Variants in POLDIP2 observed in about 807,000 individuals in gnomAD.
The protein encoded by POLDIP2 is polymerase delta-interacting protein 2.
A neutral mutation model predicts 52.9 loss-of-function variants in POLDIP2; 32 were observed. That is an observed-to-expected ratio of 0.61 (90% CI 0.46 to 0.81). The LOEUF is 0.81. Ranked by LOEUF, POLDIP2 falls within the 40% of genes least tolerant of loss-of-function variation. The pLI is 0.00. For synonymous variants in POLDIP2, 183 were observed against 183.0 expected, an observed-to-expected ratio of 1.00 and a Z score of 0.00; for missense variants, 371 against 477.3, an observed-to-expected ratio of 0.78 and a Z score of 2.07.
chr17:28,351,944 G>A, intron 6 of POLDIP2, 144 bp from the exon 7 acceptor site: 1 of 691,958 alleles, frequency 1.4e-6, no homozygotes, highest in East Asian at 2.7e-5. Flanking sequence ...GCTCATACAT[G>A]AAGCAAAAGT....
intron 3 of POLDIP2, among the ~76,000 whole-genome samples, chr17:28,354,247 C>T (rs978385840): frequency 1.3e-5 from 2 of 152,152 alleles, no homozygotes; most frequent in South Asian, 4.1e-4. Context: ...CTCTGGGATA[C>T]TCATAATGAA....
At chr17:28,357,153 C>T in intron 1 of POLDIP2, 135 bp downstream of exon 1, 1 of 865,840 alleles carries the variant, frequency 1.2e-6, no homozygotes, top group Non-Finnish European at 1.7e-6. Flanking sequence ...AGGTCGGCTC[C>T]CTGCTCGGGA....
rs1907617791 is a variant in POLDIP2, at chr17:28,347,381, CT to C, written c.*735del. ...CTAAAGCTGCTCCTCAGCCAAATTC[CT>C]GCATTTGTGGTCTGGATGCTTGGCA... On this transcript the variant is annotated 3_prime_UTR_variant, in exon 11 of 11. Transcript: ENST00000540200. 1 of 152,214 alleles carries C rather than the reference CT, an allele frequency of 6.6e-6. No individual in the cohort carries two copies. The highest frequency in any genetic ancestry group is 1.5e-5 in the Non-Finnish European group (1 of 68,058). 9.4% of individuals were successfully genotyped at this position (152,214 alleles called of 1,614,324 possible). A position where few individuals can be genotyped will look rare whatever the true frequency, so the allele number is the denominator to read the frequency against.
At chr17:28,356,018 G>A (rs542407403) in intron 1 of POLDIP2, 142 bp from the exon 2 acceptor site, 2 of 642,676 alleles carry the variant, frequency 3.1e-6, no homozygotes, top group South Asian at 1.7e-5. Context: ...AGCTGGAGCA[G>A]GAAAGGCTTT....
intron 8 of POLDIP2, 84 bp downstream of exon 8, chr17:28,350,682 C>A: frequency 1.3e-6 from 2 of 1,554,256 alleles, no homozygotes; most frequent in African/African-American, 1.4e-5. Flanking sequence ...GTTCCGCTCT[C>A]GTCAGAAGGT....
chr17:28,353,031 A>T lies in POLDIP2; in HGVS notation c.515-12T>A. 1.1e-6 allele frequency: 1 copy of T among 912,034 alleles called. No individual in the cohort carries two copies. The highest frequency in any genetic ancestry group is 1.9e-6 in the Non-Finnish European group (1 of 539,074). The allele number at this position is 912,034 out of a possible 1,614,324, so 56.5% of individuals were successfully genotyped here. A position where few individuals can be genotyped will look rare whatever the true frequency, so the allele number is the denominator to read the frequency against. On this transcript the variant is annotated splice_polypyrimidine_tract_variant and intron_variant, in intron 5 of 10. Coordinates refer to ENST00000540200, the MANE Select transcript of POLDIP2 (RefSeq NM_015584.5). ...GACATAGTCCAAGCCTGGCACAGAGATGCAAAAGACAGTGGTGAAACTCAC... is the reference window on the plus strand; with the variant it reads ...GACATAGTCCAAGCCTGGCACAGAGTTGCAAAAGACAGTGGTGAAACTCAC...
intron 9 of POLDIP2, among the ~76,000 whole-genome samples, chr17:28,350,179 G>A (rs1293980869): frequency 6.6e-6 from 1 of 152,180 alleles, no homozygotes; most frequent in Non-Finnish European, 1.5e-5. Context: ...AGACTCACTT[G>A]GGTTTAAATT....
At chr17:28,351,327 T>A (rs1051506692) in intron 7 of POLDIP2, among the ~76,000 whole-genome samples, 2 of 152,252 alleles carry the variant, frequency 1.3e-5, no homozygotes, top group African/African-American at 4.8e-5. Context: ...AGCCAGGCGA[T>A]GTGTAAGTGT....
chr17:28,350,031 G>A (rs1352474406), intron 9 of POLDIP2, among the ~76,000 whole-genome samples: 1 of 152,176 alleles, frequency 6.6e-6, no homozygotes, highest in African/African-American at 2.4e-5. Context: ...AGGACCAGCA[G>A]AGGATGTAAA....
chr17:28,352,979 G>C lies in POLDIP2; in HGVS notation c.555C>G (p.Thr185=). The C allele has an allele frequency of 7.0e-7, 1 of 1,420,224 alleles. No homozygotes were observed. The highest frequency in any genetic ancestry group is 1.0e-6 in the Non-Finnish European group (1 of 1,003,102). The allele number at this position is 1,420,224 out of a possible 1,614,324, so 88.0% of individuals were successfully genotyped here. The part of the protein sequence containing the change: ...YVSHEDILPY[T]STDQVPIQHE... ...GTTGGATGGGAACCTGATCAGTGGA[G>C]GTGTAGGGGAGGATGTCTTCATGGC... The change falls in exon 6 of 11, where the codon ACC becomes ACG. Residue 185 remains threonine (T), a synonymous_variant. Transcript: ENST00000540200.
At chr17:28,357,246 C>G (rs752885765) in intron 1 of POLDIP2, 42 bp downstream of exon 1, 5 of 1,394,334 alleles carry the variant, frequency 3.6e-6, no homozygotes, top group Non-Finnish European at 4.6e-6. Flanking sequence ...GCTCTCTGGG[C>G]TCCAGGCCCA....
chr17:28,352,861 C>A, intron 6 of POLDIP2, 51 bp downstream of exon 6: 1 of 1,126,344 alleles, frequency 8.9e-7, no homozygotes, highest in Non-Finnish European at 1.3e-6. Context: ...CTATGATATT[C>A]TTTGATGAAA....
rs782206963 is a variant in POLDIP2, at chr17:28,354,577, A to C, written c.252T>G (p.Leu84=). Residue 84 remains leucine, a synonymous_variant, in exon 3 of 11, where the codon CTT becomes CTG. Coordinates refer to ENST00000540200, the MANE Select transcript of POLDIP2 (RefSeq NM_015584.5). ...CACCTCGGTAGCCAAAAATGCTATG[A>C]AGGAAAAGCTGGAAGGAAAGAGGGG... ...NGKYETGQLF[L]HSIFGYRGVV... 9.6e-6 allele frequency: 15 copies of C among 1,556,168 alleles called. No individual in the cohort carries two copies. The African/African-American group carries it at 1.8e-4, about 18-fold the overall frequency.
chr17:28,348,965 C>T (rs1555579406), intron 10 of POLDIP2, 118 bp downstream of exon 10: 2 of 638,068 alleles, frequency 3.1e-6, no homozygotes, highest in African/African-American at 3.7e-5. Context: ...AGATAAGGCT[C>T]CCTCTAAGAA....
rs781988322 is a variant in POLDIP2 at position 28,348,131 on chromosome 17, C to T, written c.1093G>A (p.Gly365Ser). ...SNKDEKTPPS[G>S]LHW is the part of the protein sequence containing the mutation. ...CCTCAGCTGGCCTACCAGTGAAGGC[C>T]TGAGGGTGGTGTCTTCTCATCTTTA... The change falls in exon 11 of 11, where the codon GGC (glycine) becomes AGC (serine). Residue 365 changes from glycine to serine, a missense_variant. Transcript: ENST00000540200. 8.1e-6 allele frequency: 13 copies of T among 1,610,886 alleles called. No homozygotes were observed. The highest frequency in any genetic ancestry group is 1.6e-4 in the Middle Eastern group (1 of 6,082).
At chr17:28,352,100 T>C (rs974290318) in intron 6 of POLDIP2, among the ~76,000 whole-genome samples, 5 of 152,124 alleles carry the variant, frequency 3.3e-5, no homozygotes, top group Non-Finnish European at 7.4e-5. Flanking sequence ...TCCCTTGTCA[T>C]CATCCCTGAT....
At position 28,353,121 on chromosome 17, in the gene POLDIP2, C is replaced by T; in HGVS notation, c.515-102G>A. 2.7e-6 allele frequency: 2 copies of T among 750,564 alleles called. 1 individual carries two copies. Among genetic ancestry groups the T allele is most frequent in the South Asian group, 2.9e-5 (2 of 69,034 alleles). 46.5% of individuals were successfully genotyped at this position (750,564 alleles called of 1,614,324 possible). A position where few individuals can be genotyped will look rare whatever the true frequency, so the allele number is the denominator to read the frequency against. ...GGCCTTGTTCCAGTATGGGATAACCCTGATATCATACCTCTCAGCATCATA... is the reference window on the plus strand; with the variant it reads ...GGCCTTGTTCCAGTATGGGATAACCTTGATATCATACCTCTCAGCATCATA... On this transcript the variant is annotated intron_variant, in intron 5 of 10. Coordinates refer to ENST00000540200, the MANE Select transcript of POLDIP2 (RefSeq NM_015584.5).
intron 1 of POLDIP2, 121 bp downstream of exon 1, chr17:28,357,167 T>A: frequency 1.0e-6 from 1 of 966,070 alleles, no homozygotes; most frequent in Non-Finnish European, 1.4e-6. Context: ...CTCGGGACCC[T>A]CTCCCGGGTC....
rs1395737307 is a variant in POLDIP2, at chr17:28,353,299, T to C, written c.456A>G (p.Thr152=). Residue 152 remains threonine, a synonymous_variant, in exon 5 of 11, where the codon ACA becomes ACG. Coordinates refer to ENST00000540200, the MANE Select transcript of POLDIP2 (RefSeq NM_015584.5). The stretch of plus-strand genomic sequence containing the variant: ...GGTTAGCCAAGAAGGTCACAGCTTC[T>C]GTCTGAGATCTCTGAGACTAAGGCA... ...DCPHISQRSQ[T]EAVTFLANHD... is the part of the protein sequence containing the mutation. 2 of 1,589,498 alleles carry C rather than the reference T, an allele frequency of 1.3e-6. No homozygotes were observed. Among genetic ancestry groups the C allele is most frequent in the South Asian group, 1.1e-5 (1 of 89,336 alleles).
Sources: gnomAD v4.1 joint callset for allele counts (sites outside exome capture counted in the v4.1 genomes callset) on GRCh38, gnomAD v4.1.1 for gene constraint, MANE v1.5 for transcripts, NCBI Gene and HGNC (gene_info 2026-07-23, HGNC 2026-07-21) for gene names.